RIMS2: variants seen among roughly 807,000 people sequenced by gnomAD.
RIMS2 encodes regulating synaptic membrane exocytosis protein 2.
A neutral mutation model predicts 174.4 loss-of-function variants in RIMS2; 59 were observed. That is an observed-to-expected ratio of 0.34 (90% CI 0.27 to 0.42). RIMS2 has a LOEUF of 0.42. Ranked by LOEUF, RIMS2 falls within the 10% of genes least tolerant of loss-of-function variation. RIMS2 has a pLI of 1.00. For missense variants in RIMS2, 1,620 were observed against 1,666.3 expected (o/e 0.97, Z 0.48); for synonymous variants, 606 against 572.5 (o/e 1.06, Z -0.84).
chr8:103,936,637 G>T lies in RIMS2; in HGVS notation c.2462G>T (p.Arg821Leu), dbSNP rs538104363. Residue 821 changes from arginine (R) to leucine (L), a missense_variant, in exon 13 of 24, where the codon CGA becomes CTA. By Grantham distance (102) the Arg-to-Leu change is moderately radical (BLOSUM62 -2). Around this residue, in one of 2 missense-constraint regions of RIMS2, gnomAD observed 1,395 missense variants for 1,360.1 expected, o/e 1.03. Coordinates refer to ENST00000504942, the Ensembl canonical transcript of RIMS2. ...ACATTCATTTATTCTCCAGTCCACC[G>T]AAGAGAATTTCGGGAACGAATGCTA... is the stretch of plus-strand genomic sequence containing the variant. 27 of 1,611,132 alleles carry T rather than the reference G, an allele frequency of 1.7e-5. No homozygotes were observed. The South Asian group carries it at 3.0e-4, about 18-fold the overall frequency.
intron 1 of RIMS2, among the ~76,000 whole-genome samples, chr8:103,687,184 C>G (rs760353006): frequency 1.3e-5 from 2 of 151,902 alleles, no homozygotes; most frequent in Non-Finnish European, 2.9e-5. Context: ...ATGCTAGCTT[C>G]TGTCTTTCAA....
intron 3 of RIMS2, among the ~76,000 whole-genome samples, chr8:103,788,757 T>G (rs1196973061): frequency 6.6e-6 from 1 of 152,192 alleles, no homozygotes; most frequent in Non-Finnish European, 1.5e-5. Context: ...AGGTGGAGCC[T>G]ACAGAGGCAG....
intron 2 of RIMS2, among the ~76,000 whole-genome samples, chr8:103,729,849 T>C (rs2097570002): frequency 6.6e-6 from 1 of 152,170 alleles, no homozygotes; most frequent in Non-Finnish European, 1.5e-5. Context: ...GCTCACATGG[T>C]TTGTAAAATT....
At chr8:103,814,046 G>C (rs975943726) in intron 3 of RIMS2, among the ~76,000 whole-genome samples, 4 of 152,100 alleles carry the variant, frequency 2.6e-5, no homozygotes, top group Admixed American at 6.5e-5. Context: ...GTAAATATAC[G>C]CCATGGAATA....
chr8:103,986,600 T>A (rs185802654), intron 16 of RIMS2, among the ~76,000 whole-genome samples: 1 of 152,300 alleles, frequency 6.6e-6, no homozygotes, highest in Admixed American at 6.5e-5. Flanking sequence ...TGGTTAAATT[T>A]CTGAAATTGA....
At chr8:103,686,659 C>G (rs926417704) in intron 1 of RIMS2, among the ~76,000 whole-genome samples, 1 of 152,136 alleles carries the variant, frequency 6.6e-6, no homozygotes, top group African/African-American at 2.4e-5. Context: ...AGGTATTACT[C>G]TTTAACACAT....
chr8:103,519,367 T>G (rs1368604658), intron 1 of RIMS2, among the ~76,000 whole-genome samples: 1 of 152,160 alleles, frequency 6.6e-6, no homozygotes, highest in Non-Finnish European at 1.5e-5. Context: ...GCTTCCAATC[T>G]GCCACCAGAT....
intron 19 of RIMS2, among the ~76,000 whole-genome samples, chr8:104,100,007 G>A (rs959270387): frequency 8.6e-5 from 13 of 151,852 alleles, no homozygotes; most frequent in Admixed American, 6.6e-5. Flanking sequence ...TTTTTGTAGC[G>A]ACGGGGTTTG....
chr8:104,112,555 C>A (rs1392672247), intron 19 of RIMS2, among the ~76,000 whole-genome samples: 2 of 152,086 alleles, frequency 1.3e-5, no homozygotes, highest in African/African-American at 2.4e-5. Flanking sequence ...TATTTACATT[C>A]TGAGATGAGG....
At chr8:103,926,859 G>A (rs1426631190) in intron 10 of RIMS2, among the ~76,000 whole-genome samples, 1 of 151,466 alleles carries the variant, frequency 6.6e-6, no homozygotes, top group African/African-American at 2.4e-5. Context: ...GTTTCAACAT[G>A]AAAACAAAAG....
chr8:104,026,178 G>T (rs570813675), intron 19 of RIMS2, among the ~76,000 whole-genome samples: 118 of 152,114 alleles, frequency 7.8e-4, no homozygotes, highest in Non-Finnish European at 1.2e-3. Context: ...AATAGAATTG[G>T]ATTGCAGTAT....
intron 11 of RIMS2, 25 bp from the exon 14 acceptor site, chr8:103,931,238 A>G (rs2079870212): frequency 6.5e-7 from 1 of 1,550,342 alleles, no homozygotes; most frequent in Non-Finnish European, 8.8e-7. Context: ...GTTTGAATTG[A>G]TAAATGAATA....
At chr8:103,842,115 T>A (rs927551549) in intron 3 of RIMS2, among the ~76,000 whole-genome samples, 4 of 152,206 alleles carry the variant, frequency 2.6e-5, no homozygotes, top group African/African-American at 9.6e-5. Flanking sequence ...AGAATACAGC[T>A]TATTAACCTC....
At chr8:104,011,102 G>A (rs180722677) in intron 17 of RIMS2, among the ~76,000 whole-genome samples, 1 of 152,250 alleles carries the variant, frequency 6.6e-6, no homozygotes, top group African/African-American at 2.4e-5. Context: ...CCTGATGTAA[G>A]ACTGTGTAAT....
At chr8:103,929,895 GTGGTTCTCAAATTTTAA>G (rs1451546305) in intron 11 of RIMS2, among the ~76,000 whole-genome samples, 1 of 151,860 alleles carries the variant, frequency 6.6e-6, no homozygotes, top group Admixed American at 6.6e-5. Flanking sequence ...ATCTAAGGCA[GTGGTTCTCAAATTTTAA>G]TGCACTTGAG....
chr8:104,026,167 A>G (rs1597348997), intron 19 of RIMS2, among the ~76,000 whole-genome samples: 1 of 152,336 alleles, frequency 6.6e-6, no homozygotes, highest in African/African-American at 2.4e-5. Context: ...GGGTGGAAAT[A>G]AATAGAATTG....
At chr8:103,624,327 T>C (rs1272533198) in intron 1 of RIMS2, among the ~76,000 whole-genome samples, 3 of 152,218 alleles carry the variant, frequency 2.0e-5, no homozygotes, top group Admixed American at 1.3e-4. Context: ...GCTGGCTGCC[T>C]GCCTGCTTGC....
intron 17 of RIMS2, among the ~76,000 whole-genome samples, chr8:104,003,699 C>T (rs2095473610): frequency 6.6e-6 from 1 of 152,138 alleles, no homozygotes; most frequent in Admixed American, 6.5e-5. Context: ...TAGGTGTGAG[C>T]CACCATTCCT....
At chr8:103,569,770 C>G (rs939060981) in intron 1 of RIMS2, among the ~76,000 whole-genome samples, 1 of 150,800 alleles carries the variant, frequency 6.6e-6, no homozygotes, top group Non-Finnish European at 1.5e-5. Flanking sequence ...GCATGTGCTA[C>G]TGCCCCTGGC....
Sources: gnomAD v4.1 joint callset for allele counts (sites outside exome capture counted in the v4.1 genomes callset) on GRCh38, gnomAD v4.1.1 for gene constraint, gnomAD v4.1.1 regional missense constraint, MANE v1.5 for transcripts, NCBI Gene and HGNC (gene_info 2026-07-23, HGNC 2026-07-21) for gene names.